TMEM266: variants seen among roughly 807,000 people sequenced by gnomAD.
TMEM266 encodes the protein transmembrane protein 266.
A neutral mutation model predicts 50.5 loss-of-function variants in TMEM266; 33 were observed. That is an observed-to-expected ratio of 0.65 (90% CI 0.50 to 0.87). TMEM266 has a LOEUF of 0.87. Ranked by LOEUF, TMEM266 falls within the 40% of genes least tolerant of loss-of-function variation. TMEM266 has a pLI of 0.00. For missense variants in TMEM266, 655 were observed against 695.1 expected (o/e 0.94, Z 0.65); for synonymous variants, 310 against 292.3 (o/e 1.06, Z -0.62).
rs181758523 is a variant in TMEM266, at chr15:76,180,788, A to C, written c.768+5114A>C. On this transcript the variant is annotated intron_variant, in intron 8 of 10. Transcript: ENST00000388942. ...GCCACCATGCCCAGCTAATTTTTGT[A>C]TTTTTAGTAGAGACGGGGTTTCACC... is the stretch of plus-strand genomic sequence containing the variant. Among the ~76,000 whole-genome samples the C allele has an allele frequency of 6.0e-5, 9 of 151,030 alleles. No individual in the cohort carries two copies. In the East Asian group the frequency reaches 1.8e-3, roughly 29 times the overall value.
chr15:76,060,922 C>G (rs1490558727), intron 1 of TMEM266, among the ~76,000 whole-genome samples: 1 of 152,146 alleles, frequency 6.6e-6, no homozygotes, highest in Non-Finnish European at 1.5e-5. Flanking sequence ...TAAGACCTAC[C>G]TATGATTTGA....
At chr15:76,189,543 A>G (rs2038537073) in intron 8 of TMEM266, among the ~76,000 whole-genome samples, 1 of 152,180 alleles carries the variant, frequency 6.6e-6, no homozygotes, top group Non-Finnish European at 1.5e-5. Context: ...AGAGGAGGAC[A>G]GTGAGGGAAA....
chr15:76,165,617 G>T (rs995549954), intron 5 of TMEM266, among the ~76,000 whole-genome samples: 7 of 152,206 alleles, frequency 4.6e-5, no homozygotes, highest in African/African-American at 7.2e-5. Context: ...CGGCCCTGGG[G>T]CTGGGGCTGG....
chr15:76,148,621 C>T (rs951130917), intron 3 of TMEM266, among the ~76,000 whole-genome samples: 2 of 152,182 alleles, frequency 1.3e-5, no homozygotes, highest in Non-Finnish European at 2.9e-5. Context: ...GATGTGTGGT[C>T]AGTGTCCTTT....
chr15:76,100,113 G>A (rs896219858), intron 1 of TMEM266, among the ~76,000 whole-genome samples: 2 of 152,136 alleles, frequency 1.3e-5, no homozygotes, highest in Non-Finnish European at 2.9e-5. Context: ...GGACACAGAG[G>A]GAAACATATC....
At chr15:76,138,130 G>T (rs183956599) in intron 3 of TMEM266, among the ~76,000 whole-genome samples, 62 of 149,928 alleles carry the variant, frequency 4.1e-4, no homozygotes, top group African/African-American at 1.5e-3. Context: ...GCTGAGGCAG[G>T]AGAATTGCTT....
intron 4 of TMEM266, among the ~76,000 whole-genome samples, chr15:76,158,224 TCA>T (rs2037957181): frequency 6.6e-6 from 1 of 152,232 alleles, no homozygotes. Context: ...CTCTGCTCTC[TCA>T]GAGAGCGTGG....
chr15:76,067,068 C>T (rs907549140), intron 1 of TMEM266, among the ~76,000 whole-genome samples: 4 of 152,054 alleles, frequency 2.6e-5, no homozygotes, highest in Non-Finnish European at 4.4e-5. Context: ...ATTTGAGAAC[C>T]GTTCTCCATA....
chr15:76,102,654 C>T (rs2037016415), intron 1 of TMEM266, among the ~76,000 whole-genome samples: 1 of 151,990 alleles, frequency 6.6e-6, no homozygotes, highest in Admixed American at 6.6e-5. Context: ...GCCTGAACAA[C>T]ATGACAAAAC....
At chr15:76,067,760 C>T (rs1368518112) in intron 1 of TMEM266, among the ~76,000 whole-genome samples, 2 of 149,266 alleles carry the variant, frequency 1.3e-5, no homozygotes, top group African/African-American at 2.5e-5. Context: ...TTAAAATCAT[C>T]CTTGGGGTAT....
intron 1 of TMEM266, among the ~76,000 whole-genome samples, chr15:76,125,300 TAAA>T (rs1186955636): frequency 2.0e-5 from 3 of 151,768 alleles, no homozygotes; most frequent in Non-Finnish European, 1.5e-5. Flanking sequence ...TGACGTCAAA[TAAA>T]AAAGTTTCTG....
intron 6 of TMEM266, 136 bp from the exon 7 acceptor site, chr15:76,170,857 C>T: frequency 9.5e-7 from 1 of 1,050,818 alleles, no homozygotes. Context: ...GGAGGGGCCA[C>T]CCGGGGTGGG....
intron 7 of TMEM266, among the ~76,000 whole-genome samples, chr15:76,174,022 C>G (rs1387898702): frequency 6.6e-6 from 1 of 151,936 alleles, no homozygotes; most frequent in Non-Finnish European, 1.5e-5. Flanking sequence ...TCCCTGTAGT[C>G]AAGAGCCCAG....
At chr15:76,087,759 A>G (rs1355616591) in intron 1 of TMEM266, among the ~76,000 whole-genome samples, 1 of 152,188 alleles carries the variant, frequency 6.6e-6, no homozygotes, top group Non-Finnish European at 1.5e-5. Context: ...GTCACATCAT[A>G]GAAGCCAAAG....
In TMEM266 at chr15:76,204,638, G is replaced by T. The variant is rs891477137; in HGVS notation, c.*323G>T. On this transcript the variant is annotated 3_prime_UTR_variant, in exon 11 of 11. Coordinates refer to ENST00000388942, the MANE Select transcript of TMEM266 (RefSeq NM_152335.3). ...TGGGGGGGCCAGCTCAGCCTCTTGC[G>T]TTGCCTTCGTTCCTGACGCCCACCC... is the stretch of plus-strand genomic sequence containing the variant. 6 of 206,986 alleles carry T rather than the reference G, an allele frequency of 2.9e-5. No homozygotes were observed. Among genetic ancestry groups the T allele is most frequent in the Admixed American group, 5.2e-5 (1 of 19,122 alleles). 12.8% of individuals were successfully genotyped at this position (206,986 alleles called of 1,614,324 possible).
At chr15:76,130,237 A>C (rs2037486090) in intron 1 of TMEM266, among the ~76,000 whole-genome samples, 1 of 134,830 alleles carries the variant, frequency 7.4e-6, no homozygotes, top group Non-Finnish European at 1.6e-5. Flanking sequence ...AAAAAAAAAA[A>C]AAAAAAAAAA....
Position 76,134,170 on chromosome 15 carries a change from C to A in TMEM266, c.-94C>A. 1 of 1,380,264 alleles carries A rather than the reference C, an allele frequency of 7.2e-7. No homozygotes were observed. The highest frequency in any genetic ancestry group is 1.0e-6 in the Non-Finnish European group (1 of 981,190). 85.5% of individuals were successfully genotyped at this position (1,380,264 alleles called of 1,614,324 possible). A position where few individuals can be genotyped will look rare whatever the true frequency, so the allele number is the denominator to read the frequency against. On this transcript the variant is annotated splice_region_variant and 5_prime_UTR_variant, in exon 2 of 11. Transcript: ENST00000388942. ...TAAGTTCCTATTTTTGTTTTCAGGG[C>A]ACTATATTTGTATGTGTCTTGTAGA...
intron 9 of TMEM266, 84 bp from the exon 10 acceptor site, chr15:76,202,116 CTT>C: frequency 8.4e-7 from 1 of 1,195,738 alleles, no homozygotes; most frequent in Admixed American, 2.2e-5. Context: ...GCTGCCTTCT[CTT>C]GTGACCGTGG....
intron 1 of TMEM266, among the ~76,000 whole-genome samples, chr15:76,082,902 G>C (rs1290465824): frequency 6.6e-6 from 1 of 152,104 alleles, no homozygotes; most frequent in Non-Finnish European, 1.5e-5. Context: ...CCAGGAGGAG[G>C]AGGTTGCAGT....
Sources: allele counts gnomAD v4.1 joint callset (sites outside exome capture counted in the v4.1 genomes callset), GRCh38; gene constraint gnomAD v4.1.1; transcripts MANE v1.5; gene names NCBI Gene and HGNC (gene_info 2026-07-23, HGNC 2026-07-21).